MYO3A: variants seen among roughly 807,000 people sequenced by gnomAD.
The protein encoded by MYO3A is myosin-IIIa.
In MYO3A, 180 loss-of-function variants were observed where a neutral mutation model predicts 192.7. That is an observed-to-expected ratio of 0.93 (90% CI 0.83 to 1.06). The LOEUF (loss-of-function observed/expected upper bound fraction) is 1.06. MYO3A is among the 50% of genes least tolerant of loss of function. MYO3A has a pLI of 0.00. For missense variants in MYO3A, 1,896 were observed against 1,905.0 expected (o/e 1.00, Z 0.09); for synonymous variants, 628 against 645.3 (o/e 0.97, Z 0.41).
At chr10:26,133,397 T>C (rs1839652647) in intron 20 of MYO3A, among the ~76,000 whole-genome samples, 1 of 152,230 alleles carries the variant, frequency 6.6e-6, no homozygotes, top group African/African-American at 2.4e-5. Flanking sequence ...AGCTCTGGGC[T>C]GTGGACCTGT....
At position 26,026,423 on chromosome 10, in the gene MYO3A, T is replaced by C. The variant is rs527552404; in HGVS notation, c.844T>C (p.Leu282=). ...AAAGCGTCCAACAGTGTCAGAACTT[T>C]TACAGCATAAATTCATTACTCAAAT... ...YEKRPTVSEL[L]QHKFITQIEG... is the part of the protein sequence containing the mutation. The change falls in exon 10 of 35, where the codon TTA becomes CTA. Residue 282 remains leucine, a synonymous_variant. Transcript: ENST00000642920. The C allele has an allele frequency of 2.4e-5, 39 of 1,614,164 alleles. No individual in the cohort carries two copies. In the East Asian group the frequency reaches 5.6e-4, roughly 23 times the overall value.
chr10:26,097,105 G>A (rs1430959314), intron 17 of MYO3A, among the ~76,000 whole-genome samples: 1 of 151,800 alleles, frequency 6.6e-6, no homozygotes, highest in Non-Finnish European at 1.5e-5. Context: ...ATAGAGATGT[G>A]TATTCATGAC....
chr10:26,174,444 T>C lies in MYO3A; in HGVS notation c.4180T>C (p.Tyr1394His). 1 of 1,614,236 alleles carries C rather than the reference T, an allele frequency of 6.2e-7. No individual in the cohort carries two copies. The highest frequency in any genetic ancestry group is 2.2e-5 in the East Asian group (1 of 44,892). ...TEVARNTHNL[Y>H]SYPTKHEEIN... ...AGTAGCAAGAAACACTCATAATTTGTATTCCTATCCCACAAAACATGAGGA... is the reference window on the plus strand; with the variant it reads ...AGTAGCAAGAAACACTCATAATTTGCATTCCTATCCCACAAAACATGAGGA... The change falls in exon 30 of 35, where the codon TAT (tyrosine) becomes CAT (histidine). Residue 1394 changes from tyrosine (Y) to histidine (H), a missense_variant. Tyr to His is a moderately conservative substitution (Grantham distance 83). Transcript: ENST00000642920.
chr10:26,025,764 T>C (rs1190528558), intron 9 of MYO3A, among the ~76,000 whole-genome samples: 1 of 152,226 alleles, frequency 6.6e-6, no homozygotes, highest in African/African-American at 2.4e-5. Flanking sequence ...TCACTAGTCC[T>C]ATCCTTTCTC....
chr10:25,968,816 G>A (rs755325502), intron 4 of MYO3A, among the ~76,000 whole-genome samples: 4 of 152,218 alleles, frequency 2.6e-5, no homozygotes, highest in Admixed American at 6.5e-5. Context: ...CCCAGAATGT[G>A]AATTATCTTC....
chr10:26,079,910 C>T (rs927863231), intron 14 of MYO3A, among the ~76,000 whole-genome samples: 9 of 152,160 alleles, frequency 5.9e-5, no homozygotes, highest in African/African-American at 1.7e-4. Flanking sequence ...TATGCTTTCC[C>T]TTTTAGGTTA....
chr10:25,968,069 TGAA>T (rs375797738), intron 4 of MYO3A, among the ~76,000 whole-genome samples: 179 of 152,206 alleles, frequency 1.2e-3, no homozygotes, highest in African/African-American at 3.6e-3. Flanking sequence ...ACTAAGAAGC[TGAA>T]GAAGGTCAAA....
intron 34 of MYO3A, among the ~76,000 whole-genome samples, chr10:26,205,481 G>GGA: frequency 7.2e-6 from 1 of 138,232 alleles, no homozygotes. Context: ...TTTTTTTTTG[G>GGA]GGGGGGGCTT....
chr10:26,003,654 G>A (rs1009296478), intron 6 of MYO3A, among the ~76,000 whole-genome samples: 2 of 151,232 alleles, frequency 1.3e-5, no homozygotes, highest in African/African-American at 4.9e-5. Context: ...ATCCCTTCAG[G>A]CAAGTGAACT....
At chr10:26,190,044 CAG>C (rs1173113218) in intron 31 of MYO3A, among the ~76,000 whole-genome samples, 2 of 151,868 alleles carry the variant, frequency 1.3e-5, no homozygotes, top group Non-Finnish European at 2.9e-5. Flanking sequence ...GCCTGGGAGA[CAG>C]AGCAAGACTC....
chr10:25,996,448 G>A (rs1564442097), intron 4 of MYO3A, 42 bp from the exon 5 acceptor site: 3 of 1,524,660 alleles, frequency 2.0e-6, no homozygotes, highest in South Asian at 2.2e-5. Flanking sequence ...AACATAAAAT[G>A]TCACATGTTT....
chr10:26,198,197 G>T (rs115267264), intron 32 of MYO3A, among the ~76,000 whole-genome samples: 2 of 151,590 alleles, frequency 1.3e-5, no homozygotes. Context: ...CGATTCTAGC[G>T]GCCTTAAAAT....
At chr10:26,099,484 G>C (rs181120933) in intron 17 of MYO3A, among the ~76,000 whole-genome samples, 326 of 152,280 alleles carry the variant, frequency 2.1e-3, no homozygotes, top group Admixed American at 3.7e-3. Flanking sequence ...TCCCTGTCTT[G>C]TGCCAGTTTT....
In MYO3A at chr10:26,157,291, T is replaced by C. The variant is rs1204699567; in HGVS notation, c.2794-19T>C. 1.2e-6 allele frequency: 2 copies of C among 1,611,156 alleles called. No individual in the cohort carries two copies. Among genetic ancestry groups the C allele is most frequent in the South Asian group, 2.2e-5 (2 of 90,990 alleles). ...TTTGTATGCTACATTGGGAAATTTA[T>C]TTTTGTTGTGTATTATAGTATTCCC... On this transcript the variant is annotated intron_variant, in intron 25 of 34. Transcript: ENST00000642920.
chr10:26,038,331 A>G (rs1389767063), intron 10 of MYO3A, among the ~76,000 whole-genome samples: 1 of 152,240 alleles, frequency 6.6e-6, no homozygotes, highest in Non-Finnish European at 1.5e-5. Flanking sequence ...CTTCTAATCC[A>G]TAAACATGGA....
intron 18 of MYO3A, among the ~76,000 whole-genome samples, chr10:26,122,047 G>T (rs1157697281): frequency 6.6e-6 from 1 of 152,096 alleles, no homozygotes; most frequent in Non-Finnish European, 1.5e-5. Flanking sequence ...TTTTTAATTG[G>T]CATGTATGAT....
intron 32 of MYO3A, among the ~76,000 whole-genome samples, chr10:26,199,837 T>C (rs1470526576): frequency 6.6e-6 from 1 of 152,100 alleles, no homozygotes; most frequent in African/African-American, 2.4e-5. Flanking sequence ...CTATAGGCAA[T>C]TGTTACCCAG....
chr10:26,207,387 T>G (rs1316527670), intron 34 of MYO3A, among the ~76,000 whole-genome samples: 1 of 152,250 alleles, frequency 6.6e-6, no homozygotes, highest in African/African-American at 2.4e-5. Context: ...CTTCTAGTTT[T>G]GCAGTTTCAT....
chr10:26,010,096 G>T (rs1195143348), intron 6 of MYO3A, among the ~76,000 whole-genome samples: 1 of 152,168 alleles, frequency 6.6e-6, no homozygotes, highest in Non-Finnish European at 1.5e-5. Context: ...CAAGAAGAAT[G>T]CAGCAAACAG....
Sources: allele counts gnomAD v4.1 joint callset (sites outside exome capture counted in the v4.1 genomes callset), GRCh38; gene constraint gnomAD v4.1.1; transcripts MANE v1.5; gene names NCBI Gene and HGNC (gene_info 2026-07-23, HGNC 2026-07-21).